Variants in WDR27 observed in about 807,000 individuals in gnomAD.
The protein encoded by WDR27 is WD repeat-containing protein 27.
WDR27 carries 100 observed loss-of-function variants against 114.4 expected under a neutral mutation model. That is an observed-to-expected ratio of 0.87 (90% CI 0.74 to 1.03). The LOEUF (loss-of-function observed/expected upper bound fraction) is 1.03, where lower values mean the gene tolerates loss of function less well. WDR27 is among the 50% of genes least tolerant of loss of function. The pLI is 0.00. For missense variants in WDR27, 1,129 were observed against 1,092.9 expected, an observed-to-expected ratio of 1.03 and a Z score of -0.47; for synonymous variants, 449 against 423.1, an observed-to-expected ratio of 1.06 and a Z score of -0.75.
In WDR27 at chr6:169,659,295, C is replaced by T. The variant is rs144406024; in HGVS notation, c.1198-88G>A. 5,957 of 1,557,668 alleles carry T rather than the reference C, an allele frequency of 3.8e-3. 21 individuals carry two copies. The highest frequency in any genetic ancestry group is 4.0e-3 in the Non-Finnish European group (4,611 of 1,148,652). ...ATCCGCACACGTATCCTAACAGCTGCTTCATTCTCATAGCAGCGACATCGC... is the reference window on the plus strand; with the variant it reads ...ATCCGCACACGTATCCTAACAGCTGTTTCATTCTCATAGCAGCGACATCGC... On this transcript the variant is annotated intron_variant, in intron 11 of 25. Coordinates refer to ENST00000448612, the MANE Select transcript of WDR27 (RefSeq NM_182552.5). The surrounding 1 kb of genome is among the most constrained non-coding windows in gnomAD (Gnocchi z 4.3).
At chr6:169,643,294 T>A (rs866942389) in intron 17 of WDR27, among the ~76,000 whole-genome samples, 87 of 151,836 alleles carry the variant, frequency 5.7e-4, no homozygotes, top group East Asian at 7.7e-4. Context: ...CTACTTTTTT[T>A]AAAAAAAAAT....
Position 169,643,789 on chromosome 6 carries a change from G to A in WDR27, c.1658-3C>T, listed in dbSNP as rs1046411018. 3 of 1,609,280 alleles carry A rather than the reference G, an allele frequency of 1.9e-6. No homozygotes were observed. ...ACAGGCCAGCCACTGCCCATCTCCT[G>A]TTAAAAGAATTTTAAAAAAAGACTT... On this transcript the variant is annotated splice_polypyrimidine_tract_variant and splice_region_variant and intron_variant, in intron 16 of 25. Coordinates refer to ENST00000448612, the MANE Select transcript of WDR27 (RefSeq NM_182552.5).
chr6:169,645,036 T>TAAAA (rs369797685), intron 16 of WDR27, among the ~76,000 whole-genome samples: 141 of 76,930 alleles, frequency 1.8e-3, no homozygotes, highest in Middle Eastern at 9.8e-3. Context: ...AAAAAAAAAA[T>TAAAA]AAAAAAAAAA....
chr6:169,476,748 CTTAG>C (rs1413382211), intron 25 of WDR27, among the ~76,000 whole-genome samples: 1 of 152,128 alleles, frequency 6.6e-6, no homozygotes, highest in African/African-American at 2.4e-5. Context: ...TTTAAGTTTA[CTTAG>C]TTATTGTTAG....
chr6:169,568,005 G>A (rs1424343805), intron 25 of WDR27, among the ~76,000 whole-genome samples: 1 of 152,222 alleles, frequency 6.6e-6, no homozygotes, highest in Admixed American at 6.5e-5. Flanking sequence ...TGTGTTCCAG[G>A]ATGAGTAAAC....
intron 23 of WDR27, among the ~76,000 whole-genome samples, chr6:169,584,612 G>C (rs1415913860): frequency 6.6e-6 from 1 of 152,178 alleles, no homozygotes; most frequent in Non-Finnish European, 1.5e-5. Flanking sequence ...ACAGGTATGA[G>C]GTGCTAGCTC....
chr6:169,633,964 T>C (rs1195945876), intron 20 of WDR27, among the ~76,000 whole-genome samples: 1 of 152,204 alleles, frequency 6.6e-6, no homozygotes, highest in South Asian at 2.1e-4. Flanking sequence ...CCTAAAGATC[T>C]GGAGCTTTTC....
chr6:169,685,502 A>G (rs767076206), intron 2 of WDR27, among the ~76,000 whole-genome samples: 7 of 152,200 alleles, frequency 4.6e-5, no homozygotes, highest in Non-Finnish European at 8.8e-5. Context: ...AGAAATAGGT[A>G]TTATTTTAAA....
intron 8 of WDR27, chr6:169,663,631 G>A (rs1182609873): frequency 1.3e-5 from 2 of 154,060 alleles, no homozygotes; most frequent in South Asian, 2.0e-4. Flanking sequence ...CAAGGTTGCT[G>A]GGTGGGTGCA....
At chr6:169,465,278 A>T (rs866360838) in intron 25 of WDR27, among the ~76,000 whole-genome samples, 12 of 148,530 alleles carry the variant, frequency 8.1e-5, no homozygotes, top group East Asian at 1.9e-4. Context: ...AAAAAAAAAA[A>T]AAAGAAATAA....
chr6:169,658,374 G>A lies in WDR27; in HGVS notation c.1320-16C>T, dbSNP rs765599410. 1.1e-5 allele frequency: 17 copies of A among 1,581,392 alleles called. No homozygotes were observed. Among genetic ancestry groups the A allele is most frequent in the Non-Finnish European group, 1.5e-5 (17 of 1,163,010 alleles). ...GACACAGGAGCTGAAACAGAAACAAGCCCCATGAAACTAGGAGCGCAAACG... is the reference window on the plus strand; with the variant it reads ...GACACAGGAGCTGAAACAGAAACAAACCCCATGAAACTAGGAGCGCAAACG... On this transcript the variant is annotated splice_polypyrimidine_tract_variant and intron_variant, in intron 12 of 25. Transcript: ENST00000448612.
At chr6:169,450,039 A>T in the WDR27 span, among the ~76,000 whole-genome samples, 1 of 152,178 alleles carries the variant, frequency 6.6e-6, no homozygotes, top group Non-Finnish European at 1.5e-5. Context: ...CAGAAGTCAC[A>T]CTCACCAAAA....
At chr6:169,454,160 AAG>A (rs1466577226), downstream of WDR27, among the ~76,000 whole-genome samples, 58 of 152,232 alleles carry the variant, frequency 3.8e-4, no homozygotes, top group African/African-American at 1.4e-3. Flanking sequence ...AGAGAAATAA[AAG>A]AGAGGAGGCA....
At chr6:169,463,291 G>A (rs578197143) in intron 25 of WDR27, among the ~76,000 whole-genome samples, 19 of 152,270 alleles carry the variant, frequency 1.2e-4, no homozygotes, top group East Asian at 3.9e-4. Flanking sequence ...TCACCCATAC[G>A]GATGAAGCTC....
rs775584685 is a variant in WDR27 at position 169,665,470 on chromosome 6, T to C, written c.783+16A>G. On this transcript the variant is annotated intron_variant, in intron 7 of 25. Transcript: ENST00000448612. ...GCATGTCTGGGAACTGGAACTTAACTCTGTGGCTGTCTCACCTGGCCGTCA... is the reference window on the plus strand; with the variant it reads ...GCATGTCTGGGAACTGGAACTTAACCCTGTGGCTGTCTCACCTGGCCGTCA... The C allele has an allele frequency of 1.2e-6, 2 of 1,610,374 alleles. No homozygotes were observed. The highest frequency in any genetic ancestry group is 1.1e-5 in the South Asian group (1 of 90,436).
At chr6:169,592,476 A>G (rs1256882478) in intron 23 of WDR27, among the ~76,000 whole-genome samples, 1 of 152,208 alleles carries the variant, frequency 6.6e-6, no homozygotes, top group Non-Finnish European at 1.5e-5. Flanking sequence ...CTCTTCCACT[A>G]TAACTTTTCA....
chr6:169,490,263 G>A (rs572652821), intron 25 of WDR27, among the ~76,000 whole-genome samples: 11 of 152,318 alleles, frequency 7.2e-5, no homozygotes, highest in African/African-American at 1.2e-4. Flanking sequence ...CAGCAAAGCC[G>A]TCACTGCAGT....
At chr6:169,490,700 GGC>G (rs1789639872) in intron 25 of WDR27, among the ~76,000 whole-genome samples, 1 of 152,166 alleles carries the variant, frequency 6.6e-6, no homozygotes, top group Admixed American at 6.5e-5. Flanking sequence ...ACAAGCTACT[GGC>G]TGGGGTTTCC....
intron 1 of WDR27, among the ~76,000 whole-genome samples, chr6:169,698,417 C>G (rs1486224063): frequency 1.3e-5 from 2 of 152,190 alleles, no homozygotes; most frequent in African/African-American, 4.8e-5. Context: ...GACACACACA[C>G]ACACATACAC....
Sources: allele counts gnomAD v4.1 joint callset (sites outside exome capture counted in the v4.1 genomes callset), GRCh38; gene constraint gnomAD v4.1.1; non-coding constraint Gnocchi (gnomAD v3.1); transcripts MANE v1.5; gene names NCBI Gene and HGNC (gene_info 2026-07-23, HGNC 2026-07-21).